Variants in FNDC3A observed in about 807,000 individuals in gnomAD.
FNDC3A encodes fibronectin type III domain containing 3A.
FNDC3A carries 32 observed loss-of-function variants against 148.9 expected under a neutral mutation model. The observed-to-expected ratio is 0.21, with a 90% CI of 0.16 to 0.29. The LOEUF is 0.29. Ranked by LOEUF, FNDC3A falls within the 10% of genes least tolerant of loss-of-function variation. The pLI is 1.00. For synonymous variants in FNDC3A, 472 were observed against 473.6 expected, an observed-to-expected ratio of 1.00 and a Z score of 0.04; for missense variants, 1,191 against 1,452.8, an observed-to-expected ratio of 0.82 and a Z score of 2.93.
In FNDC3A at chr13:49,191,430, T is replaced by G. The variant is rs771658455; in HGVS notation, c.2226+46T>G. 65 of 1,439,752 alleles carry G rather than the reference T, an allele frequency of 4.5e-5. No homozygotes were observed. The South Asian group carries it at 8.8e-4, about 20-fold the overall frequency. 89.2% of individuals were successfully genotyped at this position (1,439,752 alleles called of 1,614,324 possible). A position where few individuals can be genotyped will look rare whatever the true frequency, so the allele number is the denominator to read the frequency against. On this transcript the variant is annotated intron_variant, in intron 19 of 25. Coordinates refer to ENST00000492622, the MANE Select transcript of FNDC3A (RefSeq NM_001079673.2). ...GAATTATAATCACAATGGTGATATA[T>G]GTTTCATTTTAACATATATCATCAT...
intron 2 of FNDC3A, among the ~76,000 whole-genome samples, chr13:49,069,650 C>T (rs1432774392): frequency 3.9e-5 from 6 of 152,266 alleles, no homozygotes; most frequent in African/African-American, 1.2e-4. Context: ...CACACAAGTG[C>T]TCAGGTAACA....
intron 2 of FNDC3A, among the ~76,000 whole-genome samples, chr13:49,073,931 G>T (rs930103571): frequency 6.6e-6 from 1 of 150,684 alleles, no homozygotes; most frequent in Non-Finnish European, 1.5e-5. Flanking sequence ...AAGCATTTTG[G>T]CTAAGGGATA....
intron 3 of FNDC3A, among the ~76,000 whole-genome samples, chr13:49,086,102 GAA>G (rs1227818345): frequency 1.3e-5 from 2 of 152,276 alleles, no homozygotes; most frequent in Non-Finnish European, 2.9e-5. Flanking sequence ...GGCTGGTCTT[GAA>G]CTCCTGATCT....
At chr13:49,047,751 ACTCTG>A in intron 2 of FNDC3A, among the ~76,000 whole-genome samples, 1 of 152,012 alleles carries the variant, frequency 6.6e-6, no homozygotes, top group African/African-American at 2.4e-5. Context: ...TTGTCTGCTA[ACTCTG>A]TGGATTATTT....
chr13:49,132,110 A>G (rs761462502), intron 5 of FNDC3A, among the ~76,000 whole-genome samples: 29 of 152,010 alleles, frequency 1.9e-4, no homozygotes, highest in Admixed American at 3.9e-4. Flanking sequence ...TCCTTTTCCA[A>G]CCCTTACATC....
chr13:49,092,015 T>C (rs1416568021), intron 3 of FNDC3A, among the ~76,000 whole-genome samples: 2 of 152,232 alleles, frequency 1.3e-5, no homozygotes, highest in East Asian at 3.9e-4. Flanking sequence ...GGAGAGTTGT[T>C]ATCTGCGGAA....
chr13:49,179,551 G>A (rs939451580), intron 14 of FNDC3A, among the ~76,000 whole-genome samples: 6 of 152,128 alleles, frequency 3.9e-5, no homozygotes, highest in African/African-American at 1.4e-4. Flanking sequence ...GTGCCAAGTG[G>A]TGATTTTTAA....
rs1952217831 is a variant in FNDC3A, at chr13:49,006,214, G to A, written c.24G>A (p.Leu8=). Residue 8 remains leucine (L), a synonymous_variant, in exon 2 of 26, where the codon CTG becomes CTA. Coordinates refer to ENST00000492622, the MANE Select transcript of FNDC3A (RefSeq NM_001079673.2). The stretch of plus-strand genomic sequence containing the variant: ...TAATGGCAGAACATCCACCACTACT[G>A]GATACAACTCAGATCTTAAGTAGTG... MAEHPPL[L]DTTQILSSDI... 1 of 1,606,644 alleles carries A rather than the reference G, an allele frequency of 6.2e-7. No homozygotes were observed.
At chr13:48,978,459 A>ATT (rs1032636158) in intron 1 of FNDC3A, among the ~76,000 whole-genome samples, 98 of 152,176 alleles carry the variant, frequency 6.4e-4, no homozygotes, top group African/African-American at 2.0e-3. Flanking sequence ...AGGCTTGTGT[A>ATT]TTTTATAATC....
At chr13:49,083,159 A>G (rs1034469002) in intron 3 of FNDC3A, among the ~76,000 whole-genome samples, 1 of 152,156 alleles carries the variant, frequency 6.6e-6, no homozygotes, top group African/African-American at 2.4e-5. Context: ...CACAGATACC[A>G]CTTCTGCAAC....
chr13:49,169,441 T>C (rs1042261494), intron 10 of FNDC3A, among the ~76,000 whole-genome samples: 7 of 152,236 alleles, frequency 4.6e-5, no homozygotes, highest in African/African-American at 1.7e-4. Context: ...TTCTGATAGA[T>C]ATTCAGAAGT....
At chr13:49,049,203 G>A (rs989450180) in intron 2 of FNDC3A, among the ~76,000 whole-genome samples, 1 of 152,100 alleles carries the variant, frequency 6.6e-6, no homozygotes, top group African/African-American at 2.4e-5. Flanking sequence ...TGTTGGATTT[G>A]TTTAGCTAGT....
At chr13:49,052,612 G>GTTGTGTTT (rs1349461493) in intron 2 of FNDC3A, among the ~76,000 whole-genome samples, 2 of 152,186 alleles carry the variant, frequency 1.3e-5, no homozygotes, top group South Asian at 4.1e-4. Flanking sequence ...AAGGTCTTTG[G>GTTGTGTTT]TTGTGTTTTT....
chr13:49,164,707 C>T (rs1276820895), intron 8 of FNDC3A, among the ~76,000 whole-genome samples: 1 of 152,004 alleles, frequency 6.6e-6, no homozygotes, highest in Non-Finnish European at 1.5e-5. Context: ...CTCCCAGGTT[C>T]AAGCAGTTCT....
At chr13:49,101,055 A>G (rs953550280) in intron 3 of FNDC3A, among the ~76,000 whole-genome samples, 17 of 152,202 alleles carry the variant, frequency 1.1e-4, no homozygotes, top group African/African-American at 3.9e-4. Flanking sequence ...GAACGGGATA[A>G]GAGGTAAAAC....
chr13:49,158,011 G>GAGGC (rs1883818711), intron 8 of FNDC3A, among the ~76,000 whole-genome samples: 1 of 151,496 alleles, frequency 6.6e-6, no homozygotes, highest in Non-Finnish European at 1.5e-5. Flanking sequence ...GGAGCCTACA[G>GAGGC]AGGCAGGCAG....
intron 4 of FNDC3A, among the ~76,000 whole-genome samples, chr13:49,128,596 G>C (rs1881845994): frequency 6.6e-6 from 1 of 152,064 alleles, no homozygotes; most frequent in Non-Finnish European, 1.5e-5. Flanking sequence ...TCACTCTTCT[G>C]CCCAAAACTT....
intron 4 of FNDC3A, among the ~76,000 whole-genome samples, chr13:49,124,939 A>G (rs1881599988): frequency 6.6e-6 from 1 of 152,204 alleles, no homozygotes; most frequent in South Asian, 2.1e-4. Context: ...AACTACCTGA[A>G]TGGGACTCCT....
chr13:49,102,252 T>C (rs2137841355), intron 3 of FNDC3A, among the ~76,000 whole-genome samples: 1 of 152,158 alleles, frequency 6.6e-6, no homozygotes, highest in East Asian at 1.9e-4. Flanking sequence ...GTGCTACATA[T>C]ATCTTAAATC....
Sources: gnomAD v4.1 joint callset for allele counts (sites outside exome capture counted in the v4.1 genomes callset) on GRCh38, gnomAD v4.1.1 for gene constraint, MANE v1.5 for transcripts, NCBI Gene and HGNC (gene_info 2026-07-23, HGNC 2026-07-21) for gene names.